Variants in ZNF549 observed in about 807,000 individuals in gnomAD.
ZNF549 encodes zinc finger protein 549.
In ZNF549, 11 loss-of-function variants were observed where a neutral mutation model predicts 11.1. The ratio of observed to expected loss-of-function variants is 0.99; its 90% CI spans 0.62 to 1.64. The LOEUF (loss-of-function observed/expected upper bound fraction) is 1.64, where lower values mean the gene tolerates loss of function less well. Ranked by LOEUF, ZNF549 falls within the 40% of genes most tolerant of loss-of-function variation. ZNF549 has a pLI of 0.00. For synonymous variants in ZNF549, 266 were observed against 269.1 expected, an observed-to-expected ratio of 0.99 and a Z score of 0.11; for missense variants, 748 against 765.1, an observed-to-expected ratio of 0.98 and a Z score of 0.26.
chr19:57,535,446 A>G lies in ZNF549; in HGVS notation c.199+176A>G, dbSNP rs1156833461. ...AGGCCTGGGTTTTTTCTGCCCCAAC[A>G]TCTACTGTCCTGAAGCCTTTTAGTT... On this transcript the variant is annotated intron_variant, in intron 3 of 3. Transcript: ENST00000376233. The G allele has an allele frequency of 5.9e-6, 5 of 840,994 alleles. No individual in the cohort carries two copies. The African/African-American group carries it at 6.7e-5, about 11-fold the overall frequency. The allele number at this position is 840,994 out of a possible 1,614,324, so 52.1% of individuals were successfully genotyped here. A position where few individuals can be genotyped will look rare whatever the true frequency, so the allele number is the denominator to read the frequency against.
At position 57,538,860 on chromosome 19, in the gene ZNF549, G is replaced by A. The variant is rs1372241988; in HGVS notation, c.1856G>A (p.Gly619Glu). The A allele has an allele frequency of 6.8e-6, 11 of 1,612,470 alleles. No individual in the cohort carries two copies. The Admixed American group carries it at 8.3e-5, about 12-fold the overall frequency. Residue 619 changes from glycine to glutamate, a missense_variant, in exon 4 of 4, where the codon GGG (glycine) becomes GAG (glutamate). By Grantham distance (98) the Gly-to-Glu change is moderately conservative. Transcript: ENST00000376233. ...AAGCCGTATGAATGTGGTAAATGTG[G>A]GAAAGCCTTCAACAAAAGATATTCC... Reference protein sequence around the residue: ...GEKPYECGKCGKAFNKRYSLV... With the variant: ...GEKPYECGKCEKAFNKRYSLV...
chr19:57,531,334 C>T (rs190997033), intron 2 of ZNF549, among the ~76,000 whole-genome samples: 3 of 152,274 alleles, frequency 2.0e-5, no homozygotes, highest in Admixed American at 2.0e-4. Context: ...TGGGCATAGG[C>T]GCCAGCATGT....
chr19:57,532,730 G>T (rs2089909022), intron 2 of ZNF549, among the ~76,000 whole-genome samples: 1 of 152,182 alleles, frequency 6.6e-6, no homozygotes, highest in Admixed American at 6.5e-5. Flanking sequence ...GTAATCTAAA[G>T]ATGGTGATTA....
At position 57,537,958 on chromosome 19, in the gene ZNF549, A is replaced by C. The variant is rs1233362078; in HGVS notation, c.954A>C (p.Ser318=). 4.3e-6 allele frequency: 7 copies of C among 1,614,018 alleles called. No homozygotes were observed. The highest frequency in any genetic ancestry group is 5.9e-6 in the Non-Finnish European group (7 of 1,179,972). ...GGAAATCCTTGAGCTCCAAATACTC[A>C]CTTGTGGAACACCAGAGAACCCATA... ...ECGKSLSSKY[S]LVEHQRTHNG... The change falls in exon 4 of 4, where the codon TCA becomes TCC. Residue 318 remains serine (S), a synonymous_variant. Transcript: ENST00000376233.
rs546163846 is a variant in ZNF549 at position 57,538,131 on chromosome 19, G to T, written c.1127G>T (p.Arg376Leu). The change falls in exon 4 of 4, where the codon CGC becomes CTC. Residue 376 changes from arginine to leucine, a missense_variant. By Grantham distance (102) the Arg-to-Leu change is moderately radical. Transcript: ENST00000376233. ...AAATCTTTTATTCATTCCTATGACCGCATTCGACACCAGAGAGTTCACACT... is the reference window on the plus strand; with the variant it reads ...AAATCTTTTATTCATTCCTATGACCTCATTCGACACCAGAGAGTTCACACT... ...CGKSFIHSYDRIRHQRVHTGE... is the reference protein window; with the variant it reads ...CGKSFIHSYDLIRHQRVHTGE... The T allele has an allele frequency of 5.0e-6, 8 of 1,614,010 alleles. No homozygotes were observed. Among genetic ancestry groups the T allele is most frequent in the Admixed American group, 1.7e-5 (1 of 60,016 alleles).
intron 3 of ZNF549, among the ~76,000 whole-genome samples, chr19:57,535,900 G>T (rs2089922603): frequency 6.6e-6 from 1 of 152,102 alleles, no homozygotes; most frequent in Non-Finnish European, 1.5e-5. Context: ...AGCAAGGGGG[G>T]TTAACAGGGT....
rs774905934 is a variant in ZNF549 at position 57,537,291 on chromosome 19, T to C, written c.287T>C (p.Leu96Pro). The C allele has an allele frequency of 6.2e-7, 1 of 1,614,236 alleles. No homozygotes were observed. Among genetic ancestry groups the C allele is most frequent in the South Asian group, 1.1e-5 (1 of 91,084 alleles). Residue 96 changes from leucine to proline, a missense_variant, in exon 4 of 4, where the codon CTA becomes CCA. By Grantham distance (98) the Leu-to-Pro change is moderately conservative. Coordinates refer to ENST00000376233, the MANE Select transcript of ZNF549 (RefSeq NM_001199295.2). ...GTGTCACAGGCCAGGACTCCAAAGC[T>C]AGGTCCTTCCATCCCAAATGCTCAT... ...QGVSQARTPK[L>P]GPSIPNAHSC...
chr19:57,535,746 A>G (rs565834106), intron 3 of ZNF549, among the ~76,000 whole-genome samples: 1 of 151,956 alleles, frequency 6.6e-6, no homozygotes, highest in Non-Finnish European at 1.5e-5. Flanking sequence ...GGGTTGGCGC[A>G]CCCTGGGCCA....
In ZNF549 at chr19:57,538,693, G is replaced by A. The variant is rs2089940286; in HGVS notation, c.1689G>A (p.Gly563=). 1 of 1,614,042 alleles carries A rather than the reference G, an allele frequency of 6.2e-7. No individual in the cohort carries two copies. The highest frequency in any genetic ancestry group is 1.1e-5 in the South Asian group (1 of 91,084). The part of the protein sequence containing the change: ...GEKPCECSEC[G]KCFRHRTSLI... ...AGCCCTGTGAGTGCAGTGAATGTGG[G>A]AAATGCTTTAGACACCGCACCAGCC... Residue 563 remains glycine (G), a synonymous_variant, in exon 4 of 4, where the codon GGG becomes GGA. Transcript: ENST00000376233.
intron 3 of ZNF549, among the ~76,000 whole-genome samples, chr19:57,536,463 C>T (rs186448126): frequency 6.6e-6 from 1 of 152,234 alleles, no homozygotes; most frequent in South Asian, 2.1e-4. Flanking sequence ...GTGTCACTTT[C>T]GTATCATCAT....
At chr19:57,527,728 CAG>C in intron 1 of ZNF549, 122 bp downstream of exon 1, 1 of 1,229,598 alleles carries the variant, frequency 8.1e-7, no homozygotes, top group East Asian at 2.6e-5. Context: ...GTGGGGTCCT[CAG>C]AGCTGACGGG....
intron 1 of ZNF549, among the ~76,000 whole-genome samples, chr19:57,529,137 T>G (rs1006422858): frequency 1.4e-4 from 21 of 152,380 alleles, no homozygotes; most frequent in African/African-American, 5.0e-4. Flanking sequence ...TTACAGTTGC[T>G]GACAGTATTT....
At chr19:57,531,032 T>G (rs749624449) in intron 1 of ZNF549, 38 bp from the exon 2 acceptor site, 1 of 1,595,886 alleles carries the variant, frequency 6.3e-7, no homozygotes, top group Admixed American at 1.7e-5. Flanking sequence ...AAATGCCACC[T>G]TGAACACCTG....
In ZNF549 at chr19:57,527,620, C is replaced by T. The variant is rs570214131; in HGVS notation, c.33+14C>T. 1.4e-4 allele frequency: 218 copies of T among 1,613,242 alleles called. 2 individuals carry two copies. The South Asian group carries it at 2.1e-3, about 15-fold the overall frequency. ...ATTACGCCGCAGGTGAGAGCGGAGT[C>T]CTCGGATCCTCACCTGGGTCCTGAG... On this transcript the variant is annotated intron_variant, in intron 1 of 3. Coordinates refer to ENST00000376233, the MANE Select transcript of ZNF549 (RefSeq NM_001199295.2).
rs748006747 is a variant in ZNF549 at position 57,538,354 on chromosome 19, T to C, written c.1350T>C (p.Cys450=). Residue 450 remains cysteine, a synonymous_variant, in exon 4 of 4, where the codon TGT becomes TGC. Transcript: ENST00000376233. ...AAAAGCCTTATGTGTGCATCATATGTGGGAAATCATTTATCCGCTCGTCTG... is the reference window on the plus strand; with the variant it reads ...AAAAGCCTTATGTGTGCATCATATGCGGGAAATCATTTATCCGCTCGTCTG... The part of the protein sequence containing the change: ...TGEKPYVCII[C]GKSFIRSSDY... 1.2e-6 allele frequency: 2 copies of C among 1,614,008 alleles called. No individual in the cohort carries two copies. The highest frequency in any genetic ancestry group is 1.1e-5 in the South Asian group (1 of 91,062).
In ZNF549 at chr19:57,539,362, A is replaced by G. The variant is rs992954797; in HGVS notation, c.*435A>G. 1 of 148,528 alleles carries G rather than the reference A, an allele frequency of 6.7e-6. No homozygotes were observed. Among genetic ancestry groups the G allele is most frequent in the Non-Finnish European group, 1.5e-5 (1 of 68,652 alleles). 9.2% of individuals were successfully genotyped at this position (148,528 alleles called of 1,614,324 possible). A position where few individuals can be genotyped will look rare whatever the true frequency, so the allele number is the denominator to read the frequency against. ...TTCTTCATAGGTTTTTTTTTTTTTT[A>G]TGTGATTGCCATAGTGGGATATTCC... On this transcript the variant is annotated 3_prime_UTR_variant, in exon 4 of 4. Transcript: ENST00000376233.
chr19:57,531,232 A>AC, intron 2 of ZNF549, 124 bp downstream of exon 2: 2 of 922,940 alleles, frequency 2.2e-6, no homozygotes, highest in Non-Finnish European at 3.4e-6. Context: ...CCCTGGGGCC[A>AC]CCTCAGGCCC....
At chr19:57,529,901 A>AAAT (rs536838661) in intron 1 of ZNF549, among the ~76,000 whole-genome samples, 5 of 151,916 alleles carry the variant, frequency 3.3e-5, no homozygotes, top group African/African-American at 1.2e-4. Flanking sequence ...ATAAATAAAT[A>AAAT]AAATAAATAA....
chr19:57,536,513 G>A (rs1600165339), intron 3 of ZNF549, among the ~76,000 whole-genome samples: 1 of 152,308 alleles, frequency 6.6e-6, no homozygotes, highest in South Asian at 2.1e-4. Context: ...ATAAATCAAA[G>A]ACTGTCTACT....
Sources: gnomAD v4.1 joint callset for allele counts (sites outside exome capture counted in the v4.1 genomes callset) on GRCh38, gnomAD v4.1.1 for gene constraint, MANE v1.5 for transcripts, NCBI Gene and HGNC (gene_info 2026-07-23, HGNC 2026-07-21) for gene names.